Variants in ADGRL3 observed in about 807,000 individuals in gnomAD.
ADGRL3 encodes the protein calcium-independent alpha-latrotoxin receptor 3.
Under a neutral mutation model 153.5 loss-of-function variants are expected in ADGRL3, and 62 were observed. The observed-to-expected ratio is 0.40, with a 90% CI of 0.33 to 0.50. The LOEUF (loss-of-function observed/expected upper bound fraction) is 0.50. Ranked by LOEUF, ADGRL3 falls within the 20% of genes least tolerant of loss-of-function variation. The pLI, the probability that ADGRL3 is intolerant of heterozygous loss-of-function variation, is 0.47. For missense variants in ADGRL3, 1,641 were observed against 1,859.4 expected (o/e 0.88, Z 2.16); for synonymous variants, 710 against 672.5 (o/e 1.06, Z -0.86).
intron 1 of ADGRL3, among the ~76,000 whole-genome samples, chr4:61,363,199 T>G (rs1450857102): frequency 6.6e-6 from 1 of 152,224 alleles, no homozygotes; most frequent in Non-Finnish European, 1.5e-5. Context: ...AATGTTAGTT[T>G]CAGGGAGATT....
At position 61,850,934 on chromosome 4, in the gene ADGRL3, C is replaced by G. The variant is rs17090550; in HGVS notation, c.1480+37045C>G. Among the ~76,000 whole-genome samples the G allele has an allele frequency of 4.6e-3, 700 of 152,164 alleles. 6 individuals are homozygous for G. Among genetic ancestry groups the G allele is most frequent in the African/African-American group, 0.016 (677 of 41,530 alleles). ...CTGTTGAAAATTCAGTTCCCAAATG[C>G]AATCATCTTCCCCAATGGCATTACC... On this transcript the variant is annotated intron_variant, in intron 9 of 26. Coordinates refer to ENST00000683033, the MANE Select transcript of ADGRL3 (RefSeq NM_001387552.1).
chr4:61,476,257 C>T (rs2098048943), intron 2 of ADGRL3, among the ~76,000 whole-genome samples: 1 of 152,006 alleles, frequency 6.6e-6, no homozygotes, highest in Non-Finnish European at 1.5e-5. Context: ...GAGAGAGTCA[C>T]TTTGTCGCCC....
In ADGRL3 at chr4:61,628,005, G is replaced by A. The variant is rs927190636; in HGVS notation, c.473+40565G>A. Among the ~76,000 whole-genome samples the A allele has an allele frequency of 4.6e-5, 7 of 152,066 alleles. No homozygotes were observed. The South Asian group carries it at 8.3e-4, about 18-fold the overall frequency. On this transcript the variant is annotated intron_variant, in intron 5 of 26. Coordinates refer to ENST00000683033, the MANE Select transcript of ADGRL3 (RefSeq NM_001387552.1). Reference sequence around the variant, plus strand: ...AAGGATGCTTGGACCAAATGGGTTCGTGTTACAGAGTAACTCTCCTTGGAG... The same window carrying A: ...AAGGATGCTTGGACCAAATGGGTTCATGTTACAGAGTAACTCTCCTTGGAG...
intron 1 of ADGRL3, among the ~76,000 whole-genome samples, chr4:61,236,010 T>TTTC (rs1553882989): frequency 7.3e-6 from 1 of 137,906 alleles, no homozygotes; most frequent in Admixed American, 7.3e-5. Context: ...TTTCTTTTCT[T>TTTC]TTTTTTTTTT....
intron 5 of ADGRL3, among the ~76,000 whole-genome samples, chr4:61,649,298 G>T (rs760175315): frequency 1.3e-5 from 2 of 151,964 alleles, no homozygotes; most frequent in Non-Finnish European, 2.9e-5. Context: ...CTAGGATTTG[G>T]TATTATATTA....
At chr4:61,550,205 A>T (rs1360426074) in intron 4 of ADGRL3, among the ~76,000 whole-genome samples, 1 of 151,918 alleles carries the variant, frequency 6.6e-6, no homozygotes, top group African/African-American at 2.4e-5. Context: ...TTATGAAAAT[A>T]TTTTTGATTG....
intron 1 of ADGRL3, among the ~76,000 whole-genome samples, chr4:61,311,664 A>T (rs1402972681): frequency 6.6e-6 from 1 of 152,196 alleles, no homozygotes; most frequent in Non-Finnish European, 1.5e-5. Flanking sequence ...ATGAAGTAGG[A>T]GGACTGACAA....
At chr4:61,260,994 G>T (rs113299780) in intron 1 of ADGRL3, among the ~76,000 whole-genome samples, 2,068 of 152,114 alleles carry the variant, frequency 0.014, 22 homozygotes, top group Non-Finnish European at 0.023. Context: ...CCAAAATACT[G>T]GGATTACAGG....
At chr4:61,833,318 G>A (rs937399625) in intron 9 of ADGRL3, among the ~76,000 whole-genome samples, 26 of 152,258 alleles carry the variant, frequency 1.7e-4, no homozygotes, top group African/African-American at 3.9e-4. Flanking sequence ...TGCCCGCTGC[G>A]TAGACATAGC....
chr4:61,783,912 G>C (rs2097245581), intron 8 of ADGRL3, among the ~76,000 whole-genome samples: 2 of 152,050 alleles, frequency 1.3e-5, no homozygotes, highest in Middle Eastern at 3.4e-3. Flanking sequence ...CATTAGATTA[G>C]GTTAAACTAT....
intron 4 of ADGRL3, among the ~76,000 whole-genome samples, chr4:61,561,885 C>T (rs1032035633): frequency 2.0e-5 from 3 of 151,990 alleles, no homozygotes; most frequent in African/African-American, 7.3e-5. Context: ...AGCAATCGTA[C>T]CACCTCAGCC....
intron 1 of ADGRL3, among the ~76,000 whole-genome samples, chr4:61,242,427 TAGC>T (rs1755359138): frequency 2.0e-5 from 3 of 152,058 alleles, no homozygotes; most frequent in African/African-American, 7.2e-5. Context: ...GGAAGCCTGT[TAGC>T]TGTTTGAAGC....
chr4:61,920,813 C>T (rs2098765350), intron 13 of ADGRL3, among the ~76,000 whole-genome samples: 1 of 152,034 alleles, frequency 6.6e-6, no homozygotes, highest in Non-Finnish European at 1.5e-5. Flanking sequence ...GGAGTCTCTC[C>T]AAACTATTCC....
chr4:61,502,826 T>C (rs1381101551), intron 3 of ADGRL3, among the ~76,000 whole-genome samples: 2 of 152,178 alleles, frequency 1.3e-5, no homozygotes, highest in East Asian at 3.9e-4. Flanking sequence ...GTTTTATTAG[T>C]GGTGAAAGAG....
chr4:61,985,771 AGTG>A (rs2099083098), intron 19 of ADGRL3, among the ~76,000 whole-genome samples: 2 of 152,164 alleles, frequency 1.3e-5, no homozygotes, highest in African/African-American at 4.8e-5. Flanking sequence ...TCTTGAGTAT[AGTG>A]ACAGGCTATA....
intron 7 of ADGRL3, among the ~76,000 whole-genome samples, chr4:61,731,562 T>G (rs2096443347): frequency 6.6e-6 from 1 of 152,064 alleles, no homozygotes; most frequent in Non-Finnish European, 1.5e-5. Flanking sequence ...TCAGCGGAAT[T>G]CTATACTCCA....
At chr4:61,299,019 GATA>G (rs1312536530) in intron 1 of ADGRL3, among the ~76,000 whole-genome samples, 1 of 152,118 alleles carries the variant, frequency 6.6e-6, no homozygotes, top group Non-Finnish European at 1.5e-5. Context: ...TTGCAAATGA[GATA>G]ATAAGTACAG....
At chr4:61,583,617 T>G (rs548794569) in intron 4 of ADGRL3, 1 of 514,784 alleles carries the variant, frequency 1.9e-6, no homozygotes, top group Admixed American at 2.0e-5. Flanking sequence ...ATATGAATTT[T>G]GGAAACTTTC....
At chr4:61,320,428 C>G (rs1288963856) in intron 1 of ADGRL3, among the ~76,000 whole-genome samples, 3 of 152,162 alleles carry the variant, frequency 2.0e-5, no homozygotes, top group Admixed American at 2.0e-4. Flanking sequence ...GGAACTGGCT[C>G]ACATAATTGT....
Sources: gnomAD v4.1 joint callset for allele counts (sites outside exome capture counted in the v4.1 genomes callset) on GRCh38, gnomAD v4.1.1 for gene constraint, MANE v1.5 for transcripts, NCBI Gene and HGNC (gene_info 2026-07-23, HGNC 2026-07-21) for gene names.